CNTN4: variants seen among roughly 807,000 people sequenced by gnomAD.
The protein encoded by CNTN4 is contactin 4, also known as contactin-4.
CNTN4 carries 77 observed loss-of-function variants against 122.5 expected under a neutral mutation model. The observed-to-expected ratio is 0.63, with a 90% CI of 0.52 to 0.76. The LOEUF is 0.76. CNTN4 is among the 30% of genes least tolerant of loss of function. The pLI is 0.00. For missense variants in CNTN4, 1,256 were observed against 1,259.1 expected, an observed-to-expected ratio of 1.00 and a Z score of 0.04; for synonymous variants, 512 against 447.0, an observed-to-expected ratio of 1.15 and a Z score of -1.83.
At chr3:2,198,809 A>G (rs59689607) in intron 2 of CNTN4, among the ~76,000 whole-genome samples, 3,677 of 152,198 alleles carry the variant, frequency 0.024, 134 homozygotes, top group African/African-American at 0.085. Flanking sequence ...CATTATTGTC[A>G]CAGATCCCAA....
intron 3 of CNTN4, among the ~76,000 whole-genome samples, chr3:2,393,020 C>T (rs188661078): frequency 2.0e-5 from 3 of 152,130 alleles, no homozygotes; most frequent in Non-Finnish European, 2.9e-5. Flanking sequence ...TCTTACATTT[C>T]TGGATGTTAG....
At chr3:2,431,701 T>TAAA (rs2048079327) in intron 3 of CNTN4, among the ~76,000 whole-genome samples, 1 of 152,170 alleles carries the variant, frequency 6.6e-6, no homozygotes, top group African/African-American at 2.4e-5. Flanking sequence ...CTCAGGGATA[T>TAAA]AGAAACTATA....
intron 4 of CNTN4, among the ~76,000 whole-genome samples, chr3:2,642,657 T>C (rs1217106978): frequency 6.6e-6 from 1 of 152,244 alleles, no homozygotes; most frequent in East Asian, 1.9e-4. Flanking sequence ...AAATCTAATA[T>C]GTGTAGCTTC....
chr3:2,975,399 A>T (rs537692767), intron 13 of CNTN4, among the ~76,000 whole-genome samples: 64 of 152,264 alleles, frequency 4.2e-4, no homozygotes, highest in African/African-American at 1.5e-3. Flanking sequence ...AATGACATTG[A>T]CTTTGGATGT....
chr3:2,678,297 C>T (rs551737568), intron 4 of CNTN4, among the ~76,000 whole-genome samples: 1 of 151,988 alleles, frequency 6.6e-6, no homozygotes, highest in Admixed American at 6.5e-5. Flanking sequence ...CTTTTTCAGC[C>T]CTGTCGTAAA....
Position 2,571,236 on chromosome 3 carries a change from G to T in CNTN4, c.-88-180G>T. The T allele has an allele frequency of 7.8e-6, 4 of 514,702 alleles. No individual in the cohort carries two copies. The South Asian group carries it at 8.4e-5, about 11-fold the overall frequency. The allele number at this position is 514,702 out of a possible 1,614,324, so 31.9% of individuals were successfully genotyped here. ...TCCAATCCCTGCCCAATTATTATCT[G>T]CAAGAAAAAAATAGGAGTCTTATTA... On this transcript the variant is annotated intron_variant, in intron 3 of 24. Coordinates refer to ENST00000418658, the MANE Select transcript of CNTN4 (RefSeq NM_175607.3).
At chr3:2,753,528 C>T (rs1047446608) in intron 6 of CNTN4, among the ~76,000 whole-genome samples, 3 of 152,172 alleles carry the variant, frequency 2.0e-5, no homozygotes, top group South Asian at 4.1e-4. Context: ...AAATAACTTT[C>T]ACCAAGGATA....
intron 6 of CNTN4, among the ~76,000 whole-genome samples, chr3:2,812,352 C>A (rs1219836279): frequency 6.6e-6 from 1 of 152,084 alleles, no homozygotes; most frequent in Non-Finnish European, 1.5e-5. Flanking sequence ...ATTCTCAGAC[C>A]AGAAGATTAT....
In CNTN4 at chr3:2,165,191, C is replaced by T. The variant is rs997121003; in HGVS notation, c.-145+64552C>T. Reference sequence around the variant, plus strand: ...TACAAAAATTAGCTGGGTGTGATGGCGGGCTCCTGTAATCCCAGCTACTCC... The same window carrying T: ...TACAAAAATTAGCTGGGTGTGATGGTGGGCTCCTGTAATCCCAGCTACTCC... On this transcript the variant is annotated intron_variant, in intron 2 of 24. Coordinates refer to ENST00000418658, the MANE Select transcript of CNTN4 (RefSeq NM_175607.3). Among the ~76,000 whole-genome samples, 8 of 151,874 alleles carry T rather than the reference C, an allele frequency of 5.3e-5. No homozygotes were observed. In the South Asian group the frequency reaches 6.2e-4, roughly 12 times the overall value.
chr3:2,788,005 G>T (rs2091894938), intron 6 of CNTN4, among the ~76,000 whole-genome samples: 1 of 152,074 alleles, frequency 6.6e-6, no homozygotes, highest in Non-Finnish European at 1.5e-5. Flanking sequence ...GGCCAGGCTG[G>T]TTTCAAACTC....
At chr3:2,245,134 A>G (rs2040092884) in intron 2 of CNTN4, among the ~76,000 whole-genome samples, 1 of 152,176 alleles carries the variant, frequency 6.6e-6, no homozygotes, top group East Asian at 1.9e-4. Flanking sequence ...AATTGTTCCC[A>G]TATCTGGATG....
intron 2 of CNTN4, among the ~76,000 whole-genome samples, chr3:2,243,073 G>T (rs1872916): frequency 0.041 from 6,226 of 152,168 alleles, 168 homozygotes; most frequent in Non-Finnish European, 0.062. Context: ...AGCTCTCCAT[G>T]CTTCTGTATT....
At chr3:2,392,628 T>A (rs186657615) in intron 3 of CNTN4, among the ~76,000 whole-genome samples, 1 of 152,332 alleles carries the variant, frequency 6.6e-6, no homozygotes, top group East Asian at 1.9e-4. Flanking sequence ...CCTCAGATAT[T>A]TATTTGCAGT....
intron 3 of CNTN4, among the ~76,000 whole-genome samples, chr3:2,527,890 C>A (rs1474774250): frequency 6.6e-6 from 1 of 152,096 alleles, no homozygotes; most frequent in African/African-American, 2.4e-5. Flanking sequence ...TTTCTAAAGC[C>A]ATCTCTTTCT....
intron 3 of CNTN4, among the ~76,000 whole-genome samples, chr3:2,377,048 T>C (rs933371804): frequency 6.6e-6 from 1 of 151,724 alleles, no homozygotes; most frequent in Non-Finnish European, 1.5e-5. Context: ...CCCAGCTACT[T>C]GGGAGGCTGA....
At chr3:2,729,389 C>T (rs1184137644) in intron 4 of CNTN4, among the ~76,000 whole-genome samples, 2 of 148,772 alleles carry the variant, frequency 1.3e-5, no homozygotes, top group Admixed American at 6.6e-5. Context: ...ACAAAATTAA[C>T]AAAAAATTAG....
intron 3 of CNTN4, among the ~76,000 whole-genome samples, chr3:2,518,185 A>T (rs758859909): frequency 6.6e-6 from 1 of 152,054 alleles, no homozygotes; most frequent in African/African-American, 2.4e-5. Context: ...TACCTAAATT[A>T]TTAGGAGGAA....
rs189106929 is a variant in CNTN4, at chr3:2,842,915, G to A, written c.454+23334G>A. ...CTCATATTCTTAAAGTAAAGTATAAGTGTCCTCAGGCTCAAGACCCAGGCC... is the reference window on the plus strand; with the variant it reads ...CTCATATTCTTAAAGTAAAGTATAAATGTCCTCAGGCTCAAGACCCAGGCC... On this transcript the variant is annotated intron_variant, in intron 7 of 24. Transcript: ENST00000418658. Among the ~76,000 whole-genome samples, 8 of 151,612 alleles carry A rather than the reference G, an allele frequency of 5.3e-5. No individual in the cohort carries two copies. The East Asian group carries it at 5.8e-4, about 11-fold the overall frequency.
At chr3:2,903,406 C>G (rs75015076) in intron 12 of CNTN4, among the ~76,000 whole-genome samples, 1 of 152,166 alleles carries the variant, frequency 6.6e-6, no homozygotes, top group Admixed American at 6.5e-5. Context: ...TGCTCTTCCA[C>G]ATCTGAATTT....
Sources: gnomAD v4.1 joint callset for allele counts (sites outside exome capture counted in the v4.1 genomes callset) on GRCh38, gnomAD v4.1.1 for gene constraint, MANE v1.5 for transcripts, NCBI Gene and HGNC (gene_info 2026-07-23, HGNC 2026-07-21) for gene names.